Variants in PLCG1 observed in about 807,000 individuals in gnomAD.
The protein encoded by PLCG1 is phospholipase C gamma 1.
A neutral mutation model predicts 177.8 loss-of-function variants in PLCG1; 71 were observed. That is an observed-to-expected ratio of 0.40 (90% CI 0.33 to 0.49). PLCG1 has a LOEUF of 0.49. Ranked by LOEUF, PLCG1 falls within the 20% of genes least tolerant of loss-of-function variation. The pLI, the probability that PLCG1 is intolerant of heterozygous loss-of-function variation, is 0.72. For missense variants in PLCG1, 1,281 were observed against 1,709.0 expected, an observed-to-expected ratio of 0.75 and a Z score of 4.42; for synonymous variants, 658 against 647.9, an observed-to-expected ratio of 1.02 and a Z score of -0.24.
In PLCG1 at chr20:41,139,104, T is replaced by C. The variant is rs742210; in HGVS notation, c.217+1246T>C. Among the ~76,000 whole-genome samples, 6,319 of 151,856 alleles carry C rather than the reference T, an allele frequency of 0.042. 757 individuals carry two copies. The East Asian group carries it at 0.48, about 12-fold the overall frequency. ...GCATGTGTGTAGATAGTTGAGGAGA[T>C]TGGGAGGAAGGAAGGTCTTGTGGTG... is the stretch of plus-strand genomic sequence containing the variant. On this transcript the variant is annotated intron_variant, in intron 1 of 31. Coordinates refer to ENST00000685551, the MANE Select transcript of PLCG1 (RefSeq NM_002660.3).
Position 41,163,435 on chromosome 20 carries a change from G to T in PLCG1, c.847G>T (p.Asp283Tyr). The change falls in exon 9 of 32, where the codon GAC becomes TAC. Residue 283 changes from aspartate to tyrosine, a missense_variant. Asp to Tyr is a radical substitution (Grantham distance 160, BLOSUM62 -3). Coordinates refer to ENST00000685551, the MANE Select transcript of PLCG1 (RefSeq NM_002660.3). The surrounding 1 kb of genome is among the most constrained non-coding windows in gnomAD (Gnocchi z 5.2). ...GGAGTTCATGCTCAGCTTCCTCCGA[G>T]ACCCCTTACGAGAGATCGAGGAGCC... ...VQEFMLSFLR[D>Y]PLREIEEPYF... 1.2e-6 allele frequency: 2 copies of T among 1,612,936 alleles called. No homozygotes were observed. Among genetic ancestry groups the T allele is most frequent in the Non-Finnish European group, 1.7e-6 (2 of 1,179,602 alleles).
Position 41,159,552 on chromosome 20 carries a change from G to A in PLCG1, c.218-54G>A, listed in dbSNP as rs1452149332. On this transcript the variant is annotated intron_variant, in intron 1 of 31. Transcript: ENST00000685551. This position sits in a 1 kb window ranked among gnomAD's most constrained non-coding sequence, Gnocchi z 6.0. ...AGGAAACCAGGCTGCCCTCCTTTCG[G>A]TGTTGACTCTGGGAGACCCCAGCTT... 1 of 1,591,456 alleles carries A rather than the reference G, an allele frequency of 6.3e-7. No homozygotes were observed. The highest frequency in any genetic ancestry group is 1.3e-5 in the African/African-American group (1 of 74,286).
chr20:41,149,119 G>A (rs889934231), intron 1 of PLCG1, among the ~76,000 whole-genome samples: 4 of 152,208 alleles, frequency 2.6e-5, no homozygotes, highest in African/African-American at 9.7e-5. Flanking sequence ...GCCAGATGCT[G>A]CTGTTGCTCA....
intron 1 of PLCG1, among the ~76,000 whole-genome samples, chr20:41,143,333 T>C (rs1426264660): frequency 6.6e-6 from 1 of 152,192 alleles, no homozygotes; most frequent in Non-Finnish European, 1.5e-5. Flanking sequence ...CCACAGATGA[T>C]AAGTTGGAGG....
chr20:41,173,801 G>A lies in PLCG1; in HGVS notation c.3544G>A (p.Gly1182Ser). Residue 1182 changes from glycine (G) to serine (S), a missense_variant, in exon 29 of 32, where the codon GGC (glycine) becomes AGC (serine). Gly to Ser is a moderately conservative substitution (Grantham distance 56). Around this residue, in one of 4 missense-constraint regions of PLCG1, gnomAD observed 153 missense variants for 153.2 expected, o/e 1.00. Coordinates refer to ENST00000685551, the MANE Select transcript of PLCG1 (RefSeq NM_002660.3). This position sits in a 1 kb window ranked among gnomAD's most constrained non-coding sequence, Gnocchi z 6.2. ...GGCTCAGGCTACTTTCCCAGTAAAA[G>A]GCCTGAAGACAGGTGAGGACCATTC... is the stretch of plus-strand genomic sequence containing the variant. ...FLAQATFPVKGLKTGYRAVPL... is the reference protein window; with the variant it reads ...FLAQATFPVKSLKTGYRAVPL... The A allele has an allele frequency of 6.2e-7, 1 of 1,613,910 alleles. No individual in the cohort carries two copies.
Position 41,163,919 on chromosome 20 carries a change from AG to A in PLCG1, c.1011del. ...CCTACCTGCCTCTCCTTGCCTATCCAGGTACCTGACCGGGGACCAGTTCTCC... is the reference window on the plus strand; with the variant it reads ...CCTACCTGCCTCTCCTTGCCTATCCAGTACCTGACCGGGGACCAGTTCTCC... On this transcript the variant is annotated splice_acceptor_variant, in intron 10 of 31. Coordinates refer to ENST00000685551, the MANE Select transcript of PLCG1 (RefSeq NM_002660.3). LOFTEE classifies it high-confidence loss of function. This position sits in a 1 kb window ranked among gnomAD's most constrained non-coding sequence, Gnocchi z 5.2. The A allele has an allele frequency of 6.2e-7, 1 of 1,613,972 alleles. No homozygotes were observed. The highest frequency in any genetic ancestry group is 8.5e-7 in the Non-Finnish European group (1 of 1,179,934).
At position 41,159,842 on chromosome 20, in the gene PLCG1, G is replaced by A. The variant is rs778267350; in HGVS notation, c.371-28G>A. The A allele has an allele frequency of 9.9e-6, 16 of 1,611,962 alleles. No homozygotes were observed. The highest frequency in any genetic ancestry group is 1.7e-4 in the Middle Eastern group (1 of 6,060). Reference sequence around the variant, plus strand: ...TGCCCAGTGGGAGGTATGTGCCCTCGGGGCAGCTATTGATACCTTGCTCAC... The same window carrying A: ...TGCCCAGTGGGAGGTATGTGCCCTCAGGGCAGCTATTGATACCTTGCTCAC... On this transcript the variant is annotated intron_variant, in intron 2 of 31. Transcript: ENST00000685551. The surrounding 1 kb of genome is among the most constrained non-coding windows in gnomAD (Gnocchi z 6.0).
chr20:41,165,877 C>G lies in PLCG1; in HGVS notation c.1799+51C>G. ...TGTTCAGTCAGCGTGTGTACACAGACATCACATCACCCAGAGATAATCAGT... is the reference window on the plus strand; with the variant it reads ...TGTTCAGTCAGCGTGTGTACACAGAGATCACATCACCCAGAGATAATCAGT... On this transcript the variant is annotated intron_variant, in intron 16 of 31. Transcript: ENST00000685551. The surrounding 1 kb of genome is among the most constrained non-coding windows in gnomAD (Gnocchi z 6.6). 1.5e-6 allele frequency: 2 copies of G among 1,354,850 alleles called. No individual in the cohort carries two copies. Among genetic ancestry groups the G allele is most frequent in the Non-Finnish European group, 1.0e-6 (1 of 981,588 alleles). 83.9% of individuals were successfully genotyped at this position (1,354,850 alleles called of 1,614,324 possible). A position where few individuals can be genotyped will look rare whatever the true frequency, so the allele number is the denominator to read the frequency against.
intron 1 of PLCG1, among the ~76,000 whole-genome samples, chr20:41,145,388 T>G (rs1026647541): frequency 1.3e-5 from 2 of 152,210 alleles, no homozygotes; most frequent in African/African-American, 4.8e-5. Context: ...AGTAGAGTGC[T>G]GCCTGTGTGG....
At chr20:41,162,235 G>GTTTTTTTTTT (rs11426520) in intron 4 of PLCG1, 73 of 143,622 alleles carry the variant, frequency 5.1e-4, no homozygotes, top group Middle Eastern at 2.7e-3. Flanking sequence ...TTTTGTTTTT[G>GTTTTTTTTTT]TTTTTTTTTT....
At position 41,173,317 on chromosome 20, in the gene PLCG1, AGGGCGC is replaced by A; in HGVS notation, c.3280-101_3280-96del. The A allele has an allele frequency of 3.2e-6, 4 of 1,259,112 alleles. No individual in the cohort carries two copies. Among genetic ancestry groups the A allele is most frequent in the Non-Finnish European group, 4.3e-6 (4 of 923,712 alleles). The allele number at this position is 1,259,112 out of a possible 1,614,324, so 78.0% of individuals were successfully genotyped here. On this transcript the variant is annotated intron_variant, in intron 27 of 31. Coordinates refer to ENST00000685551, the MANE Select transcript of PLCG1 (RefSeq NM_002660.3). The surrounding 1 kb of genome is among the most constrained non-coding windows in gnomAD (Gnocchi z 6.2). ...GGGCAGTGTCCCGGGGGCCCAGCAG[AGGGCGC>A]GCTGCCTCCACTCCACAGATGCTGA...
intron 23 of PLCG1, 93 bp from the exon 24 acceptor site, chr20:41,170,019 A>G: frequency 8.6e-7 from 1 of 1,165,192 alleles, no homozygotes; most frequent in Non-Finnish European, 1.2e-6. Flanking sequence ...ATGGGATGAG[A>G]TAGAACTCAT....
At position 41,165,764 on chromosome 20, in the gene PLCG1, T is replaced by G; in HGVS notation, c.1737T>G (p.Pro579=). 1 of 1,609,040 alleles carries G rather than the reference T, an allele frequency of 6.2e-7. No homozygotes were observed. Among genetic ancestry groups the G allele is most frequent in the Non-Finnish European group, 8.5e-7 (1 of 1,176,130 alleles). Residue 579 remains proline, a synonymous_variant, in exon 16 of 32, where the codon CCT becomes CCG. Coordinates refer to ENST00000685551, the MANE Select transcript of PLCG1 (RefSeq NM_002660.3). The surrounding 1 kb of genome is among the most constrained non-coding windows in gnomAD (Gnocchi z 6.6). ...LTEYCIETGA[P]DGSFLVRESE... ...AGTACTGCATCGAGACCGGAGCCCC[T>G]GACGGCTCCTTCCTCGTGCGAGAGA...
At position 41,163,974 on chromosome 20, in the gene PLCG1, G is replaced by A. The variant is rs1474012171; in HGVS notation, c.1064G>A (p.Arg355His). ...SSESSLEAYA[R>H]CLRMGCRCIE... ...GAGTCCTCCTTGGAAGCCTATGCTC[G>A]CTGCCTGCGGATGGGCTGTCGCTGC... Residue 355 changes from arginine (R) to histidine (H), a missense_variant, in exon 11 of 32, where the codon CGC (arginine) becomes CAC (histidine). Physicochemically the swap from Arg to His is conservative, Grantham distance 29 (BLOSUM62 0). Transcript: ENST00000685551. The surrounding 1 kb of genome is among the most constrained non-coding windows in gnomAD (Gnocchi z 5.2). The A allele has an allele frequency of 4.3e-6, 7 of 1,614,078 alleles. No individual in the cohort carries two copies. The African/African-American group carries it at 8.0e-5, about 18-fold the overall frequency.
chr20:41,174,673 ATGT>A lies in PLCG1; in HGVS notation c.*166_*168del. ...AGACAGAAACCAAGCCATTAATGAG[ATGT>A]TATTACTGTTTTGGGCCTCCATGCC... On this transcript the variant is annotated 3_prime_UTR_variant, in exon 32 of 32. Coordinates refer to ENST00000685551, the MANE Select transcript of PLCG1 (RefSeq NM_002660.3). The surrounding 1 kb of genome is among the most constrained non-coding windows in gnomAD (Gnocchi z 5.8). 1.5e-6 allele frequency: 1 copy of A among 654,306 alleles called. No homozygotes were observed. Among genetic ancestry groups the A allele is most frequent in the Non-Finnish European group, 2.7e-6 (1 of 368,492 alleles). 40.5% of individuals were successfully genotyped at this position (654,306 alleles called of 1,614,324 possible).
At chr20:41,143,078 G>T (rs2034882039) in intron 1 of PLCG1, among the ~76,000 whole-genome samples, 1 of 152,340 alleles carries the variant, frequency 6.6e-6, no homozygotes, top group East Asian at 1.9e-4. Context: ...AGGGCAGTTG[G>T]CTGGAAGCAG....
Position 41,165,740 on chromosome 20 carries a change from G to A in PLCG1, c.1713G>A (p.Glu571=), listed in dbSNP as rs2035663222. The A allele has an allele frequency of 6.2e-7, 1 of 1,613,370 alleles. No individual in the cohort carries two copies. The highest frequency in any genetic ancestry group is 8.5e-7 in the Non-Finnish European group (1 of 1,179,498). Reference sequence around the variant, plus strand: ...ACATCGCTGAGCGCCTGCTTACTGAGTACTGCATCGAGACCGGAGCCCCTG... The same window carrying A: ...ACATCGCTGAGCGCCTGCTTACTGAATACTGCATCGAGACCGGAGCCCCTG... The part of the protein sequence containing the change: ...GRHIAERLLT[E]YCIETGAPDG... Residue 571 remains glutamate (E), a synonymous_variant, in exon 16 of 32, where the codon GAG becomes GAA. Transcript: ENST00000685551. This position sits in a 1 kb window ranked among gnomAD's most constrained non-coding sequence, Gnocchi z 6.6.
In PLCG1 at chr20:41,137,691, C is replaced by T; in HGVS notation, c.50C>T (p.Pro17Leu). ...PCANGCGPGA[P>L]SDAEVLHLCR... ...GCCAACGGCTGCGGGCCCGGCGCGC[C>T]CTCGGACGCCGAGGTGCTGCACCTC... Residue 17 changes from proline to leucine, a missense_variant, in exon 1 of 32, where the codon CCC (proline) becomes CTC (leucine). Coordinates refer to ENST00000685551, the MANE Select transcript of PLCG1 (RefSeq NM_002660.3). This position sits in a 1 kb window ranked among gnomAD's most constrained non-coding sequence, Gnocchi z 7.3. 1 of 1,321,808 alleles carries T rather than the reference C, an allele frequency of 7.6e-7. No individual in the cohort carries two copies. The highest frequency in any genetic ancestry group is 9.7e-7 in the Non-Finnish European group (1 of 1,034,842). The allele number at this position is 1,321,808 out of a possible 1,614,324, so 81.9% of individuals were successfully genotyped here. A position where few individuals can be genotyped will look rare whatever the true frequency, so the allele number is the denominator to read the frequency against.
chr20:41,138,513 A>G (rs1440490510), intron 1 of PLCG1, among the ~76,000 whole-genome samples: 1 of 150,738 alleles, frequency 6.6e-6, no homozygotes, highest in African/African-American at 2.4e-5. Context: ...TTTTGTCCCA[A>G]AGCTGGGTTT....
Sources: allele counts gnomAD v4.1 joint callset (sites outside exome capture counted in the v4.1 genomes callset), GRCh38; gene constraint gnomAD v4.1.1; regional missense constraint gnomAD v4.1.1; non-coding constraint Gnocchi (gnomAD v3.1); transcripts MANE v1.5; gene names NCBI Gene and HGNC (gene_info 2026-07-23, HGNC 2026-07-21).